Variants in ADAMTS20 observed in about 807,000 individuals in gnomAD.
ADAMTS20 encodes ADAM metallopeptidase with thrombospondin type 1 motif 20, also known as A disintegrin and metalloproteinase with thrombospondin motifs 20.
Under a neutral mutation model 260.1 loss-of-function variants are expected in ADAMTS20, and 225 were observed. The observed-to-expected ratio is 0.87, with a 90% CI of 0.78 to 0.97. The LOEUF (loss-of-function observed/expected upper bound fraction) is 0.97, where lower values mean the gene tolerates loss of function less well. Ranked by LOEUF, ADAMTS20 falls within the 50% of genes least tolerant of loss-of-function variation. ADAMTS20 has a pLI of 0.00. For missense variants in ADAMTS20, 2,400 were observed against 2,337.7 expected (o/e 1.03, Z -0.55); for synonymous variants, 802 against 769.5 (o/e 1.04, Z -0.70).
intron 37 of ADAMTS20, among the ~76,000 whole-genome samples, chr12:43,356,892 T>A (rs1160920850): frequency 6.6e-6 from 1 of 152,224 alleles, no homozygotes; most frequent in Non-Finnish European, 1.5e-5. Context: ...CTATTTGACA[T>A]ATTTTCCAGA....
intron 11 of ADAMTS20, among the ~76,000 whole-genome samples, 195 bp from the exon 12 acceptor site, chr12:43,454,247 G>A (rs1310066182): frequency 6.6e-6 from 1 of 152,184 alleles, no homozygotes; most frequent in Non-Finnish European, 1.5e-5. Flanking sequence ...TAGAAAAGGA[G>A]TGTAATATTT....
intron 14 of ADAMTS20, among the ~76,000 whole-genome samples, chr12:43,448,937 T>A (rs1941811686): frequency 6.6e-6 from 1 of 152,094 alleles, no homozygotes; most frequent in African/African-American, 2.4e-5. Context: ...CAAAATAAGA[T>A]AGCATCTCAC....
intron 28 of ADAMTS20, among the ~76,000 whole-genome samples, chr12:43,401,872 T>G (rs937615456): frequency 4.6e-5 from 7 of 151,906 alleles, no homozygotes; most frequent in African/African-American, 1.7e-4. Flanking sequence ...TTTGCTGCTT[T>G]TCACCATGCA....
intron 28 of ADAMTS20, among the ~76,000 whole-genome samples, chr12:43,410,563 G>C (rs1171726091): frequency 1.3e-5 from 2 of 152,182 alleles, no homozygotes; most frequent in East Asian, 1.9e-4. Flanking sequence ...GAATTAATTT[G>C]GAATTCTCAA....
intron 21 of ADAMTS20, 115 bp downstream of exon 21, chr12:43,432,189 T>C: frequency 1.7e-6 from 2 of 1,191,488 alleles, no homozygotes; most frequent in Non-Finnish European, 2.3e-6. Context: ...TGATAATAGT[T>C]ATTTACAAAA....
intron 3 of ADAMTS20, among the ~76,000 whole-genome samples, chr12:43,503,363 T>C (rs1942795435): frequency 1.3e-5 from 2 of 152,022 alleles, no homozygotes; most frequent in Non-Finnish European, 2.9e-5. Context: ...ACCAAAATAA[T>C]CAATAACCAA....
intron 37 of ADAMTS20, among the ~76,000 whole-genome samples, chr12:43,368,652 A>G (rs112198688): frequency 2.6e-5 from 4 of 152,188 alleles, no homozygotes; most frequent in African/African-American, 9.6e-5. Context: ...TGAGTCACCT[A>G]AAAGTGCTAT....
chr12:43,460,325 C>T (rs116838461), intron 11 of ADAMTS20, among the ~76,000 whole-genome samples: 3,473 of 152,040 alleles, frequency 0.023, 57 homozygotes, highest in South Asian at 0.032. Flanking sequence ...GGCTAATAAG[C>T]ATATGAAAAA....
rs768342116 is a variant in ADAMTS20 at position 43,427,505 on chromosome 12, C to T, written c.3946-36G>A. 118 of 1,540,130 alleles carry T rather than the reference C, an allele frequency of 7.7e-5. 1 individual carries two copies. The highest frequency in any genetic ancestry group is 3.9e-5 in the Non-Finnish European group (44 of 1,142,690). On this transcript the variant is annotated intron_variant, in intron 26 of 38. Transcript: ENST00000389420. ...TAAAACACAAAATATGCACAAACTG[C>T]GGATTCCACATAATGAATTTACATG...
chr12:43,509,705 G>A (rs1386263980), intron 3 of ADAMTS20, among the ~76,000 whole-genome samples: 4 of 152,088 alleles, frequency 2.6e-5, no homozygotes, highest in Admixed American at 2.6e-4. Context: ...CAAAATGGGT[G>A]ACGGAAGTGA....
chr12:43,514,064 A>T (rs972360532), intron 3 of ADAMTS20, among the ~76,000 whole-genome samples: 7 of 142,976 alleles, frequency 4.9e-5, no homozygotes, highest in East Asian at 2.1e-4. Context: ...GTATAATTTT[A>T]AAAAAAAGAG....
At chr12:43,400,574 A>G (rs1940789995) in intron 28 of ADAMTS20, among the ~76,000 whole-genome samples, 1 of 151,914 alleles carries the variant, frequency 6.6e-6, no homozygotes, top group Non-Finnish European at 1.5e-5. Flanking sequence ...CATATGTTGT[A>G]TTAAGATACA....
intron 29 of ADAMTS20, among the ~76,000 whole-genome samples, chr12:43,389,852 G>A (rs1415573149): frequency 3.9e-5 from 6 of 152,012 alleles, no homozygotes; most frequent in Admixed American, 3.3e-4. Flanking sequence ...CCTTGCAATG[G>A]CCCTCTTCCT....
Position 43,551,945 on chromosome 12 carries a change from C to A in ADAMTS20, c.-24G>T, listed in dbSNP as rs749486725. ...ATGGTTCCACCCTGGGGACCCCGATCGGGGAGGCCCACCAGAGCCGCCGGC... is the reference window on the plus strand; with the variant it reads ...ATGGTTCCACCCTGGGGACCCCGATAGGGGAGGCCCACCAGAGCCGCCGGC... On this transcript the variant is annotated 5_prime_UTR_variant, in exon 1 of 39. Transcript: ENST00000389420. This position sits in a 1 kb window ranked among gnomAD's most constrained non-coding sequence, Gnocchi z 4.6. The A allele has an allele frequency of 1.2e-6, 2 of 1,607,810 alleles. No homozygotes were observed. The highest frequency in any genetic ancestry group is 4.5e-5 in the East Asian group (2 of 44,836).
At chr12:43,470,511 T>A (rs547804797) in intron 7 of ADAMTS20, among the ~76,000 whole-genome samples, 8 of 152,292 alleles carry the variant, frequency 5.3e-5, no homozygotes, top group African/African-American at 1.7e-4. Context: ...TATGGAAACA[T>A]GCCGCTGGTT....
At chr12:43,417,980 G>A (rs1429362145) in intron 28 of ADAMTS20, among the ~76,000 whole-genome samples, 1 of 152,188 alleles carries the variant, frequency 6.6e-6, no homozygotes, top group East Asian at 1.9e-4. Context: ...GGAGTGCCAG[G>A]AGGAACTGCA....
At chr12:43,460,153 G>A (rs1269477787) in intron 11 of ADAMTS20, among the ~76,000 whole-genome samples, 1 of 152,154 alleles carries the variant, frequency 6.6e-6, no homozygotes, top group Non-Finnish European at 1.5e-5. Context: ...ATTTAAAAAA[G>A]ATAATTTATA....
At chr12:43,401,890 G>A (rs1389795510) in intron 28 of ADAMTS20, among the ~76,000 whole-genome samples, 1 of 151,412 alleles carries the variant, frequency 6.6e-6, no homozygotes, top group African/African-American at 2.4e-5. Flanking sequence ...GCAAACCTTT[G>A]CTCTCTTTAA....
intron 3 of ADAMTS20, among the ~76,000 whole-genome samples, chr12:43,518,924 C>G (rs896094166): frequency 2.0e-5 from 3 of 152,022 alleles, no homozygotes; most frequent in African/African-American, 7.2e-5. Flanking sequence ...TACCTGGACA[C>G]CTCTCGCTTT....
Sources: allele counts gnomAD v4.1 joint callset (sites outside exome capture counted in the v4.1 genomes callset), GRCh38; gene constraint gnomAD v4.1.1; non-coding constraint Gnocchi (gnomAD v3.1); transcripts MANE v1.5; gene names NCBI Gene and HGNC (gene_info 2026-07-23, HGNC 2026-07-21).